Variants in KIAA1671 observed in about 807,000 individuals in gnomAD.
KIAA1671 encodes the protein KIAA1671.
A neutral mutation model predicts 131.2 loss-of-function variants in KIAA1671; 52 were observed. That is an observed-to-expected ratio of 0.40 (90% CI 0.32 to 0.50). The LOEUF (loss-of-function observed/expected upper bound fraction) is 0.50. KIAA1671 is among the 20% of genes least tolerant of loss of function. KIAA1671 has a pLI of 0.73. For missense variants in KIAA1671, 2,360 were observed against 2,364.2 expected (o/e 1.00, Z 0.04); for synonymous variants, 1,003 against 961.6 (o/e 1.04, Z -0.80).
intron 1 of KIAA1671, among the ~76,000 whole-genome samples, chr22:24,961,272 G>A (rs1453943875): frequency 6.6e-6 from 1 of 152,188 alleles, no homozygotes; most frequent in Non-Finnish European, 1.5e-5. Flanking sequence ...TAGGATTGCA[G>A]ATGTGAGCCA....
At chr22:24,967,783 G>A (rs1922374786) in intron 1 of KIAA1671, among the ~76,000 whole-genome samples, 2 of 152,194 alleles carry the variant, frequency 1.3e-5, no homozygotes, top group South Asian at 2.1e-4. Context: ...ATGAGGTCAG[G>A]AGATCGAGAC....
chr22:25,066,769 GTCTT>G (rs1167338432), intron 6 of KIAA1671, among the ~76,000 whole-genome samples: 1 of 151,168 alleles, frequency 6.6e-6, no homozygotes, highest in African/African-American at 2.4e-5. Context: ...CATGGGCAAA[GTCTT>G]TATGGGTGCC....
At chr22:25,136,943 A>C (rs898256009) in intron 6 of KIAA1671, among the ~76,000 whole-genome samples, 2 of 152,202 alleles carry the variant, frequency 1.3e-5, no homozygotes, top group African/African-American at 4.8e-5. Flanking sequence ...GGCATTAGGA[A>C]ATGTGAAATA....
intron 6 of KIAA1671, among the ~76,000 whole-genome samples, chr22:25,084,819 A>G (rs2145869328): frequency 6.6e-6 from 1 of 152,328 alleles, no homozygotes; most frequent in East Asian, 1.9e-4. Context: ...TTCTTCACCC[A>G]TGTGTTTGGC....
chr22:25,188,193 C>T (rs1471289119), intron 11 of KIAA1671, among the ~76,000 whole-genome samples: 2 of 151,970 alleles, frequency 1.3e-5, no homozygotes, highest in East Asian at 1.9e-4. Context: ...CCCAGCTACT[C>T]GGGAGGCTGA....
At chr22:25,173,097 G>A (rs568765195) in intron 7 of KIAA1671, among the ~76,000 whole-genome samples, 5 of 152,268 alleles carry the variant, frequency 3.3e-5, no homozygotes, top group South Asian at 2.1e-4. Flanking sequence ...AGCAAGGCAC[G>A]TCCTACCTGG....
intron 5 of KIAA1671, among the ~76,000 whole-genome samples, chr22:25,047,975 T>C (rs1023463863): frequency 1.2e-4 from 18 of 152,378 alleles, no homozygotes; most frequent in Non-Finnish European, 2.4e-4. Flanking sequence ...CTTTGATCTA[T>C]TTCAAGTTGA....
intron 6 of KIAA1671, among the ~76,000 whole-genome samples, chr22:25,137,582 T>C (rs1402717034): frequency 6.6e-6 from 1 of 152,266 alleles, no homozygotes; most frequent in Non-Finnish European, 1.5e-5. Flanking sequence ...CACTTTTGTA[T>C]ACCTGCCTGA....
At chr22:25,115,816 A>G (rs370938422) in intron 6 of KIAA1671, among the ~76,000 whole-genome samples, 96 of 152,294 alleles carry the variant, frequency 6.3e-4, no homozygotes, top group African/African-American at 2.3e-3. Context: ...TCACTTTGTC[A>G]CCCAGGCTGG....
chr22:25,033,012 T>G (rs1926377502), intron 4 of KIAA1671, among the ~76,000 whole-genome samples: 1 of 152,192 alleles, frequency 6.6e-6, no homozygotes, highest in South Asian at 2.1e-4. Flanking sequence ...AGGTTTAAGA[T>G]GTTAATAGAA....
chr22:25,094,681 T>C (rs1930313898), intron 6 of KIAA1671, among the ~76,000 whole-genome samples: 1 of 151,974 alleles, frequency 6.6e-6, no homozygotes, highest in African/African-American at 2.4e-5. Context: ...TGTAAGAAAA[T>C]ATGTCATGTG....
chr22:25,114,527 C>A (rs558698484), intron 6 of KIAA1671, among the ~76,000 whole-genome samples: 9 of 152,370 alleles, frequency 5.9e-5, no homozygotes, highest in South Asian at 4.1e-4. Flanking sequence ...GGGGTTGAGT[C>A]CTGGCTCTGC....
At chr22:25,104,136 A>G (rs1302334967) in intron 6 of KIAA1671, among the ~76,000 whole-genome samples, 1 of 151,732 alleles carries the variant, frequency 6.6e-6, no homozygotes, top group Non-Finnish European at 1.5e-5. Flanking sequence ...CTGCCACCAC[A>G]CCCAGCTAAT....
At chr22:24,999,733 T>C (rs1460852431) in intron 1 of KIAA1671, among the ~76,000 whole-genome samples, 1 of 148,206 alleles carries the variant, frequency 6.7e-6, no homozygotes, top group Non-Finnish European at 1.5e-5. Flanking sequence ...TGGCTAACTG[T>C]TCAGTTTTTT....
At chr22:25,128,025 T>A (rs762342530) in intron 6 of KIAA1671, among the ~76,000 whole-genome samples, 7 of 152,206 alleles carry the variant, frequency 4.6e-5, no homozygotes, top group Non-Finnish European at 1.0e-4. Context: ...ATCTAGGACC[T>A]TGGCCAAGGG....
At chr22:25,001,757 C>G (rs1032846379) in intron 1 of KIAA1671, among the ~76,000 whole-genome samples, 3 of 152,194 alleles carry the variant, frequency 2.0e-5, no homozygotes, top group African/African-American at 7.2e-5. Context: ...TTCTCCCACA[C>G]TGGGCAGGCC....
intron 1 of KIAA1671, among the ~76,000 whole-genome samples, chr22:24,960,675 T>TA (rs1921973193): frequency 6.9e-6 from 1 of 145,008 alleles, no homozygotes. Context: ...TTTTTTTTTT[T>TA]TGCTATGACC....
At chr22:25,117,144 GC>G (rs1357837168) in intron 6 of KIAA1671, among the ~76,000 whole-genome samples, 1 of 152,108 alleles carries the variant, frequency 6.6e-6, no homozygotes, top group South Asian at 2.1e-4. Flanking sequence ...CCCCCTCCCA[GC>G]CCCCATCCAG....
chr22:25,178,472 A>G (rs1410357104), intron 9 of KIAA1671, among the ~76,000 whole-genome samples: 1 of 152,274 alleles, frequency 6.6e-6, no homozygotes, highest in Non-Finnish European at 1.5e-5. Flanking sequence ...AAAGGGCTCT[A>G]GGGTGGGTCT....
Sources: gnomAD v4.1 joint callset for allele counts (sites outside exome capture counted in the v4.1 genomes callset) on GRCh38, gnomAD v4.1.1 for gene constraint, MANE v1.5 for transcripts, NCBI Gene and HGNC (gene_info 2026-07-23, HGNC 2026-07-21) for gene names.